Variants in PCDHA2 observed in about 807,000 individuals in gnomAD.
The protein encoded by PCDHA2 is protocadherin alpha-2.
In PCDHA2, 58 loss-of-function variants were observed where a neutral mutation model predicts 66.0. The ratio of observed to expected loss-of-function variants is 0.88; its 90% confidence interval spans 0.71 to 1.09. The LOEUF is 1.09. Ranked by LOEUF, PCDHA2 falls within the 50% of genes least tolerant of loss-of-function variation. The pLI, the probability that PCDHA2 is intolerant of heterozygous loss-of-function variation, is 0.00. For missense variants in PCDHA2, 1,267 were observed against 1,242.3 expected (o/e 1.02, Z -0.30); for synonymous variants, 634 against 554.0 (o/e 1.14, Z -2.03).
At chr5:140,813,163 A>G (rs1312537923) in intron 1 of PCDHA2, 2 of 152,282 alleles carry the variant, frequency 1.3e-5, no homozygotes, top group Non-Finnish European at 1.5e-5. Context: ...CATTTCAGCT[A>G]TAGTGTTGTT....
intron 1 of PCDHA2, among the ~76,000 whole-genome samples, chr5:140,910,407 C>T (rs781871391): frequency 6.6e-6 from 1 of 152,134 alleles, no homozygotes; most frequent in Non-Finnish European, 1.5e-5. Context: ...CCTGCCACCT[C>T]GAGATCCAAT....
Position 140,795,433 on chromosome 5 carries a change from G to T in PCDHA2, c.469G>T (p.Ala157Ser), listed in dbSNP as rs1204251314. ...LLDSRFPLEG[A>S]SDADIGVNAL... ...TGATTCTCGGTTTCCTCTAGAGGGA[G>T]CATCTGATGCAGATATAGGAGTAAA... is the stretch of plus-strand genomic sequence containing the variant. Residue 157 changes from alanine (A) to serine (S), a missense_variant, in exon 1 of 4, where the codon GCA (alanine) becomes TCA (serine). Ala to Ser is a moderately conservative substitution (Grantham distance 99). Coordinates refer to ENST00000526136, the MANE Select transcript of PCDHA2 (RefSeq NM_018905.3). 2 of 1,614,106 alleles carry T rather than the reference G, an allele frequency of 1.2e-6. No individual in the cohort carries two copies. Among genetic ancestry groups the T allele is most frequent in the African/African-American group, 2.7e-5 (2 of 74,934 alleles).
intron 1 of PCDHA2, among the ~76,000 whole-genome samples, chr5:140,894,550 T>C (rs943231588): frequency 3.3e-5 from 5 of 151,996 alleles, no homozygotes; most frequent in Non-Finnish European, 5.9e-5. Context: ...TAGTGTTTAC[T>C]TCTGAAAAAA....
At chr5:140,869,037 C>G (rs547872988) in intron 1 of PCDHA2, 1 of 1,528,286 alleles carries the variant, frequency 6.5e-7, no homozygotes, top group African/African-American at 1.4e-5. Context: ...AGATTTTTAA[C>G]CTGAAACTGA....
intron 1 of PCDHA2, chr5:140,968,445 G>C (rs782157846): frequency 1.2e-6 from 2 of 1,613,954 alleles, no homozygotes; most frequent in African/African-American, 2.7e-5. Context: ...CCACCACTGA[G>C]CAGCACTGTG....
chr5:140,827,471 T>C (rs1554130800), intron 1 of PCDHA2, among the ~76,000 whole-genome samples: 2 of 152,222 alleles, frequency 1.3e-5, no homozygotes, highest in Non-Finnish European at 2.9e-5. Flanking sequence ...CTGATATTTA[T>C]TGAACAAAGA....
intron 1 of PCDHA2, chr5:140,851,395 A>G: frequency 1.0e-6 from 1 of 973,138 alleles, no homozygotes; most frequent in Non-Finnish European, 1.2e-6. Context: ...AGTATCTATT[A>G]TTTTAATAAG....
intron 1 of PCDHA2, chr5:140,808,769 C>T: frequency 6.2e-7 from 1 of 1,612,380 alleles, no homozygotes; most frequent in Non-Finnish European, 8.5e-7. Flanking sequence ...CCACGAGGAG[C>T]TAGAGCTGCT....
chr5:140,831,363 T>A (rs1771496474), intron 1 of PCDHA2: 1 of 31,544 alleles, frequency 3.2e-5, no homozygotes, highest in Non-Finnish European at 6.7e-5. Context: ...CTATTTTGTA[T>A]GTGTGTGTGT....
chr5:140,823,254 G>A (rs61730630), intron 1 of PCDHA2: 1 of 1,613,288 alleles, frequency 6.2e-7, no homozygotes, highest in Non-Finnish European at 8.5e-7. Flanking sequence ...CCTACTCGCT[G>A]GTGGAGCGGC....
chr5:140,845,266 T>G (rs1779777521), intron 1 of PCDHA2, among the ~76,000 whole-genome samples: 1 of 149,636 alleles, frequency 6.7e-6, no homozygotes, highest in Non-Finnish European at 1.5e-5. Context: ...TGTTTTCCTT[T>G]GTGAAAGTAA....
At chr5:140,892,439 T>G (rs2063514217) in intron 1 of PCDHA2, among the ~76,000 whole-genome samples, 1 of 152,206 alleles carries the variant, frequency 6.6e-6, no homozygotes, top group Non-Finnish European at 1.5e-5. Context: ...TTATCTAAAA[T>G]TTACATGTAT....
intron 1 of PCDHA2, among the ~76,000 whole-genome samples, chr5:140,917,311 G>T (rs2078013594): frequency 6.7e-6 from 1 of 148,748 alleles, no homozygotes; most frequent in Non-Finnish European, 1.5e-5. Flanking sequence ...GTTACAATTT[G>T]GTGTTCATGT....
chr5:140,993,177 C>A lies in PCDHA2; in HGVS notation c.2536+10614C>A, dbSNP rs551395516. ...CTAAATATTTGCCTTTGGGAAATTTCTTTAGAGGGAAACTCACTAAAGCTA... is the reference window on the plus strand; with the variant it reads ...CTAAATATTTGCCTTTGGGAAATTTATTTAGAGGGAAACTCACTAAAGCTA... On this transcript the variant is annotated intron_variant, in intron 3 of 3. Transcript: ENST00000526136. 6.6e-5 allele frequency among the ~76,000 whole-genome samples: 10 copies of A among 152,258 alleles called. No homozygotes were observed. In the East Asian group the frequency reaches 1.9e-3, roughly 29 times the overall value.
intron 3 of PCDHA2, among the ~76,000 whole-genome samples, chr5:140,994,916 G>C (rs191112964): frequency 2.0e-5 from 3 of 152,332 alleles, no homozygotes; most frequent in Admixed American, 1.3e-4. Context: ...ACTGGAATCA[G>C]ATTTTGTAGG....
At chr5:140,931,675 A>G (rs2087672558) in intron 1 of PCDHA2, among the ~76,000 whole-genome samples, 1 of 151,968 alleles carries the variant, frequency 6.6e-6, no homozygotes, top group Admixed American at 6.5e-5. Context: ...TTCCTTATAA[A>G]TAAATGAATT....
At position 140,967,010 on chromosome 5, in the gene PCDHA2, C is replaced by T. The variant is rs781936791; in HGVS notation, c.2389-11939C>T. 7 of 1,606,340 alleles carry T rather than the reference C, an allele frequency of 4.4e-6. No individual in the cohort carries two copies. In the South Asian group the frequency reaches 6.6e-5, roughly 15 times the overall value. On this transcript the variant is annotated intron_variant, in intron 1 of 3. Coordinates refer to ENST00000526136, the MANE Select transcript of PCDHA2 (RefSeq NM_018905.3). ...GCCGGGTTGCTTGCGCATCAACCAT[C>T]TGGGTGCGCCCAGTCCGCGCTACCT...
intron 1 of PCDHA2, chr5:140,856,703 C>A (rs1413055800): frequency 1.9e-6 from 3 of 1,596,568 alleles, no homozygotes; most frequent in Admixed American, 1.7e-5. Context: ...TGGAGGCAAA[C>A]CTGAATTTAC....
chr5:140,950,040 C>T (rs1053592525), intron 1 of PCDHA2, among the ~76,000 whole-genome samples: 4 of 151,718 alleles, frequency 2.6e-5, no homozygotes, highest in Non-Finnish European at 5.9e-5. Flanking sequence ...AAGTTACAAC[C>T]ATATAAGACT....
Sources: gnomAD v4.1 joint callset for allele counts (sites outside exome capture counted in the v4.1 genomes callset) on GRCh38, gnomAD v4.1.1 for gene constraint, MANE v1.5 for transcripts, NCBI Gene and HGNC (gene_info 2026-07-23, HGNC 2026-07-21) for gene names.